CPED1: variants seen among roughly 807,000 people sequenced by gnomAD.
CPED1 encodes cadherin-like and PC-esterase domain-containing protein 1.
Under a neutral mutation model 128.2 loss-of-function variants are expected in CPED1, and 114 were observed. The ratio of observed to expected loss-of-function variants is 0.89; its 90% confidence interval spans 0.76 to 1.04. CPED1 has a LOEUF of 1.04. CPED1 is among the 50% of genes least tolerant of loss of function. CPED1 has a pLI of 0.00. For synonymous variants in CPED1, 462 were observed against 426.7 expected, an observed-to-expected ratio of 1.08 and a Z score of -1.02; for missense variants, 1,211 against 1,207.1, an observed-to-expected ratio of 1.00 and a Z score of -0.05.
intron 2 of CPED1, among the ~76,000 whole-genome samples, chr7:120,996,061 TTAAG>T (rs1427176494): frequency 6.6e-6 from 1 of 151,770 alleles, no homozygotes; most frequent in East Asian, 1.9e-4. Flanking sequence ...GGAGGATCAC[TTAAG>T]TCCAGGAGTT....
At chr7:121,264,222 C>G (rs1298416255) in intron 18 of CPED1, among the ~76,000 whole-genome samples, 2 of 152,074 alleles carry the variant, frequency 1.3e-5, no homozygotes, top group Non-Finnish European at 2.9e-5. Flanking sequence ...TTGTTGAAGT[C>G]ACACAGTCTC....
intron 16 of CPED1, among the ~76,000 whole-genome samples, chr7:121,229,076 G>T (rs1454035437): frequency 6.6e-6 from 1 of 151,918 alleles, no homozygotes; most frequent in Admixed American, 6.6e-5. Context: ...TGATATCAGA[G>T]TAGGGTGACT....
Position 121,124,439 on chromosome 7 carries a change from G to C in CPED1, c.1027G>C (p.Glu343Gln). The change falls in exon 8 of 23, where the codon GAA (glutamate) becomes CAA (glutamine). Residue 343 changes from glutamate (E) to glutamine (Q), a missense_variant. Transcript: ENST00000310396. ...ACTGCTAGCGGCTGAAGTATTCAGTGAAACATCTACTCTGGGACCAAAGAC... is the reference window on the plus strand; with the variant it reads ...ACTGCTAGCGGCTGAAGTATTCAGTCAAACATCTACTCTGGGACCAAAGAC... ...KLLLAAEVFS[E>Q]TSTLGPKTFH... The C allele has an allele frequency of 6.3e-7, 1 of 1,595,698 alleles. No individual in the cohort carries two copies. Among genetic ancestry groups the C allele is most frequent in the Non-Finnish European group, 8.6e-7 (1 of 1,169,460 alleles).
chr7:121,003,119 C>T (rs1791909145), intron 2 of CPED1, among the ~76,000 whole-genome samples: 1 of 152,090 alleles, frequency 6.6e-6, no homozygotes, highest in Non-Finnish European at 1.5e-5. Context: ...GTCAGCAGTC[C>T]TTGAATTCTT....
At chr7:121,058,843 G>A (rs1793576178) in intron 4 of CPED1, among the ~76,000 whole-genome samples, 1 of 152,132 alleles carries the variant, frequency 6.6e-6, no homozygotes, top group Non-Finnish European at 1.5e-5. Flanking sequence ...AACAGAAGTT[G>A]GTTCAAATTT....
At chr7:121,138,734 C>G (rs1795835119) in intron 14 of CPED1, among the ~76,000 whole-genome samples, 1 of 151,974 alleles carries the variant, frequency 6.6e-6, no homozygotes, top group South Asian at 2.1e-4. Context: ...GAAAAAAGAT[C>G]TTCCTCTTTG....
At chr7:121,167,481 C>T (rs1022147166) in intron 16 of CPED1, among the ~76,000 whole-genome samples, 5 of 152,118 alleles carry the variant, frequency 3.3e-5, no homozygotes, top group Non-Finnish European at 5.9e-5. Flanking sequence ...TTATAAGCAT[C>T]GTATTCTAAC....
chr7:121,067,580 G>A (rs1024627379), intron 5 of CPED1, among the ~76,000 whole-genome samples: 4 of 152,160 alleles, frequency 2.6e-5, no homozygotes, highest in African/African-American at 9.7e-5. Flanking sequence ...ACATACGTGT[G>A]CATATGTCTT....
chr7:121,150,999 C>T (rs895815608), intron 16 of CPED1, among the ~76,000 whole-genome samples: 1 of 152,144 alleles, frequency 6.6e-6, no homozygotes, highest in Non-Finnish European at 1.5e-5. Flanking sequence ...AACTCCTGAC[C>T]TTGTGATCTG....
intron 2 of CPED1, among the ~76,000 whole-genome samples, chr7:121,012,024 T>C (rs1241431363): frequency 6.6e-6 from 1 of 152,216 alleles, no homozygotes; most frequent in Non-Finnish European, 1.5e-5. Flanking sequence ...GATTTGTTAC[T>C]TCATTTACAC....
chr7:121,048,716 T>C (rs888118224), intron 4 of CPED1, among the ~76,000 whole-genome samples: 1 of 152,140 alleles, frequency 6.6e-6, no homozygotes, highest in African/African-American at 2.4e-5. Context: ...TTTTTATATT[T>C]TTAGTAGAGA....
chr7:121,250,178 T>A (rs1214190885), intron 18 of CPED1, among the ~76,000 whole-genome samples: 1 of 152,116 alleles, frequency 6.6e-6, no homozygotes, highest in South Asian at 2.1e-4. Flanking sequence ...CACTCAAAAC[T>A]GCTCAACTAC....
chr7:121,151,015 C>G (rs1796147248), intron 16 of CPED1, among the ~76,000 whole-genome samples: 1 of 152,154 alleles, frequency 6.6e-6, no homozygotes, highest in Admixed American at 6.6e-5. Context: ...ATCTGCCCAC[C>G]TCGGCCTCCC....
At chr7:121,157,276 T>A (rs1294584965) in intron 16 of CPED1, among the ~76,000 whole-genome samples, 1 of 152,168 alleles carries the variant, frequency 6.6e-6, no homozygotes, top group Non-Finnish European at 1.5e-5. Context: ...CATATGAGGT[T>A]AGGTTTTAGG....
intron 18 of CPED1, among the ~76,000 whole-genome samples, chr7:121,263,986 T>C (rs1478608244): frequency 1.3e-5 from 2 of 152,068 alleles, no homozygotes; most frequent in Non-Finnish European, 2.9e-5. Context: ...TATTTAGGAA[T>C]AGGGCCTTTG....
chr7:121,179,514 G>A (rs1796855270), intron 16 of CPED1, among the ~76,000 whole-genome samples: 1 of 152,046 alleles, frequency 6.6e-6, no homozygotes, highest in African/African-American at 2.4e-5. Context: ...GAACGTTTCT[G>A]GCATATTCTT....
chr7:121,159,051 A>C (rs1796353766), intron 16 of CPED1, among the ~76,000 whole-genome samples: 1 of 152,152 alleles, frequency 6.6e-6, no homozygotes, highest in South Asian at 2.1e-4. Flanking sequence ...CGTTACTGAA[A>C]CATGTGTAAA....
At chr7:121,288,911 T>C (rs1792637142) in intron 22 of CPED1, among the ~76,000 whole-genome samples, 1 of 152,216 alleles carries the variant, frequency 6.6e-6, no homozygotes, top group Non-Finnish European at 1.5e-5. Flanking sequence ...TTTTCTTAAA[T>C]AAACTTCCTG....
chr7:121,093,396 G>GTA (rs1554433482), intron 5 of CPED1, among the ~76,000 whole-genome samples: 1 of 52,140 alleles, frequency 1.9e-5, no homozygotes, highest in African/African-American at 7.7e-5. Context: ...CCCTTTTTCT[G>GTA]TACACACACA....
Sources: allele counts gnomAD v4.1 joint callset (sites outside exome capture counted in the v4.1 genomes callset), GRCh38; gene constraint gnomAD v4.1.1; transcripts MANE v1.5; gene names NCBI Gene and HGNC (gene_info 2026-07-23, HGNC 2026-07-21).